OSGIN2: variants seen among roughly 807,000 people sequenced by gnomAD.
OSGIN2 encodes oxidative stress induced growth inhibitor family member 2, also known as oxidative stress-induced growth inhibitor 2.
OSGIN2 carries 19 observed loss-of-function variants against 53.8 expected under a neutral mutation model. The ratio of observed to expected loss-of-function variants is 0.35; its 90% confidence interval spans 0.25 to 0.52. The LOEUF is 0.52. Among genes scored for constraint, OSGIN2 ranks in the 20% least tolerant of loss-of-function variants. OSGIN2 has a pLI of 0.95. For missense variants in OSGIN2, 520 were observed against 662.7 expected (o/e 0.78, Z 2.36); for synonymous variants, 236 against 236.0 (o/e 1.00, Z 0.00).
At chr8:89,915,980 A>G (rs989200711) in intron 4 of OSGIN2, among the ~76,000 whole-genome samples, 1 of 151,872 alleles carries the variant, frequency 6.6e-6, no homozygotes, top group Non-Finnish European at 1.5e-5. Flanking sequence ...AGCTGCATCC[A>G]TTTAGAGTGT....
At chr8:89,924,418 A>G (rs1374307988) in intron 5 of OSGIN2, 85 bp from the exon 6 acceptor site, 1 of 971,356 alleles carries the variant, frequency 1.0e-6, no homozygotes, top group South Asian at 1.7e-5. Context: ...TTAAAAAGCT[A>G]TAAAAGCTTA....
At chr8:89,919,999 G>T (rs185375818) in intron 4 of OSGIN2, among the ~76,000 whole-genome samples, 113 of 152,310 alleles carry the variant, frequency 7.4e-4, no homozygotes, top group African/African-American at 2.5e-3. Flanking sequence ...CAACCAACTG[G>T]AAGAACTGGT....
At chr8:89,906,633 G>A (rs1808844095) in intron 1 of OSGIN2, among the ~76,000 whole-genome samples, 1 of 152,134 alleles carries the variant, frequency 6.6e-6, no homozygotes, top group Non-Finnish European at 1.5e-5. Flanking sequence ...TGGCTGTATA[G>A]TATTCTATGG....
chr8:89,920,786 G>GACCAAAGTT (rs1809181664), intron 4 of OSGIN2, among the ~76,000 whole-genome samples: 1 of 152,094 alleles, frequency 6.6e-6, no homozygotes. Flanking sequence ...GTTGATCATA[G>GACCAAAGTT]ACCAAAGTTA....
intron 1 of OSGIN2, among the ~76,000 whole-genome samples, chr8:89,905,317 C>G (rs982151019): frequency 2.0e-5 from 3 of 152,076 alleles, no homozygotes; most frequent in African/African-American, 7.2e-5. Context: ...TTACTAGTTG[C>G]TAAATGTAAT....
intron 5 of OSGIN2, among the ~76,000 whole-genome samples, chr8:89,923,505 A>G (rs942694657): frequency 6.6e-6 from 1 of 152,210 alleles, no homozygotes; most frequent in Admixed American, 6.5e-5. Context: ...CATACAAACT[A>G]TACTTTGGGT....
intron 4 of OSGIN2, among the ~76,000 whole-genome samples, chr8:89,915,528 G>A (rs1186335697): frequency 6.6e-6 from 1 of 152,152 alleles, no homozygotes; most frequent in African/African-American, 2.4e-5. Context: ...AGTGAATTAA[G>A]GATTCACTCA....
Position 89,924,553 on chromosome 8 carries a change from A to G in OSGIN2, c.671A>G (p.Lys224Arg). 2.5e-6 allele frequency: 4 copies of G among 1,613,716 alleles called. No individual in the cohort carries two copies. The highest frequency in any genetic ancestry group is 3.4e-6 in the Non-Finnish European group (4 of 1,179,834). The part of the protein sequence containing the change: ...VMPEEIARYY[K>R]HYVKVMGLQK... ...CCAGAGGAAATAGCTCGCTACTATA[A>G]ACATTATGTAAAAGTCATGGGTCTT... Residue 224 changes from lysine (K) to arginine (R), a missense_variant, in exon 6 of 6, where the codon AAA becomes AGA. Physicochemically the swap from Lys to Arg is conservative, Grantham distance 26. This residue lies in a region of OSGIN2 where 203 missense variants were observed against 275.3 expected (regional missense o/e 0.74). Transcript: ENST00000451899.
chr8:89,923,540 ACT>A (rs1010597410), intron 5 of OSGIN2, among the ~76,000 whole-genome samples: 2 of 152,206 alleles, frequency 1.3e-5, no homozygotes, highest in Non-Finnish European at 2.9e-5. Context: ...TCTGTTTTTC[ACT>A]TTCAGTATAG....
intron 4 of OSGIN2, among the ~76,000 whole-genome samples, chr8:89,917,942 T>C (rs191928972): frequency 1.3e-5 from 2 of 152,312 alleles, no homozygotes; most frequent in Admixed American, 6.5e-5. Flanking sequence ...TATGTAAACA[T>C]GCTGAAATTA....
intron 1 of OSGIN2, among the ~76,000 whole-genome samples, chr8:89,903,495 A>C (rs924246347): frequency 6.6e-6 from 1 of 152,262 alleles, no homozygotes; most frequent in African/African-American, 2.4e-5. Flanking sequence ...CCTGGGGTGA[A>C]GAATGGTTAA....
At chr8:89,908,838 A>G (rs115328489) in intron 1 of OSGIN2, among the ~76,000 whole-genome samples, 1,762 of 151,212 alleles carry the variant, frequency 0.012, 39 homozygotes, top group African/African-American at 0.041. Flanking sequence ...GCGAGATCCT[A>G]TCTCTACCAA....
chr8:89,904,390 G>A (rs950885448), intron 1 of OSGIN2, among the ~76,000 whole-genome samples: 1 of 152,226 alleles, frequency 6.6e-6, no homozygotes, highest in Admixed American at 6.5e-5. Flanking sequence ...GAAATTTGGA[G>A]TAGGGAGTGA....
intron 1 of OSGIN2, among the ~76,000 whole-genome samples, chr8:89,903,141 T>C (rs990142397): frequency 6.6e-6 from 1 of 152,204 alleles, no homozygotes; most frequent in African/African-American, 2.4e-5. Flanking sequence ...GTGCAAAGTT[T>C]TAGTGAAGGG....
In OSGIN2 at chr8:89,921,179, T is replaced by C. The variant is rs759334098; in HGVS notation, c.620+8T>C. Reference sequence around the variant, plus strand: ...GGTATCAAGTAAACGAAGGTAAAGATTGAACTGTATTAAAATTCTTTGGTG... The same window carrying C: ...GGTATCAAGTAAACGAAGGTAAAGACTGAACTGTATTAAAATTCTTTGGTG... On this transcript the variant is annotated splice_region_variant and intron_variant, in intron 5 of 5. Transcript: ENST00000451899. The C allele has an allele frequency of 4.7e-6, 7 of 1,483,374 alleles. No individual in the cohort carries two copies. Among genetic ancestry groups the C allele is most frequent in the South Asian group, 1.2e-5 (1 of 83,124 alleles). 91.9% of individuals were successfully genotyped at this position (1,483,374 alleles called of 1,614,324 possible).
intron 2 of OSGIN2, among the ~76,000 whole-genome samples, chr8:89,911,068 G>A (rs1046139949): frequency 3.3e-5 from 5 of 152,230 alleles, no homozygotes; most frequent in Admixed American, 3.3e-4. Context: ...TGGCAGGGCT[G>A]TGTTGCTTTC....
intron 2 of OSGIN2, among the ~76,000 whole-genome samples, chr8:89,911,500 G>A (rs1808965672): frequency 6.6e-6 from 1 of 151,452 alleles, no homozygotes; most frequent in Non-Finnish European, 1.5e-5. Context: ...CATGGTGGCG[G>A]GCAACTGTAA....
chr8:89,909,599 T>G lies in OSGIN2; in HGVS notation c.77T>G (p.Ile26Ser). 1 of 1,585,666 alleles carries G rather than the reference T, an allele frequency of 6.3e-7. No homozygotes were observed. The highest frequency in any genetic ancestry group is 1.2e-5 in the South Asian group (1 of 85,870). The change falls in exon 2 of 6, where the codon ATT becomes AGT. Residue 26 changes from isoleucine to serine, a missense_variant. Physicochemically the swap from Ile to Ser is moderately radical, Grantham distance 142. Coordinates refer to ENST00000451899, the MANE Select transcript of OSGIN2 (RefSeq NM_001126111.3). ...AGTGACACTGAAACTGAAGGAGAGA[T>G]TTTTAATTCCTTAGTGCAATACTTT... ...NYSDTETEGE[I>S]FNSLVQYFGD... is the part of the protein sequence containing the mutation.
At chr8:89,922,083 T>C (rs1227614276) in intron 5 of OSGIN2, among the ~76,000 whole-genome samples, 1 of 152,124 alleles carries the variant, frequency 6.6e-6, no homozygotes, top group Admixed American at 6.5e-5. Context: ...ATCCTGTCAA[T>C]CATTTTCAAG....
Sources: gnomAD v4.1 joint callset for allele counts (sites outside exome capture counted in the v4.1 genomes callset) on GRCh38, gnomAD v4.1.1 for gene constraint, gnomAD v4.1.1 regional missense constraint, MANE v1.5 for transcripts, NCBI Gene and HGNC (gene_info 2026-07-23, HGNC 2026-07-21) for gene names.